Variants in FAM124B observed in about 807,000 individuals in gnomAD.
FAM124B encodes family with sequence similarity 124 member B.
FAM124B carries 18 observed loss-of-function variants against 19.7 expected under a neutral mutation model. The ratio of observed to expected loss-of-function variants is 0.92; its 90% CI spans 0.63 to 1.36. The LOEUF (loss-of-function observed/expected upper bound fraction) is 1.36. Among genes scored for constraint, FAM124B ranks in the 40% most tolerant of loss-of-function variants. The pLI is 0.00. For missense variants in FAM124B, 540 were observed against 553.3 expected (o/e 0.98, Z 0.24); for synonymous variants, 223 against 225.2 (o/e 0.99, Z 0.09).
chr2:224,387,900 C>T (rs566839960), intron 1 of FAM124B, among the ~76,000 whole-genome samples: 3 of 152,140 alleles, frequency 2.0e-5, no homozygotes, highest in African/African-American at 7.2e-5. Context: ...TTTTAAATGG[C>T]TAATAAAGAA....
intron 1 of FAM124B, among the ~76,000 whole-genome samples, chr2:224,386,232 T>C (rs1689798827): frequency 6.6e-6 from 1 of 152,168 alleles, no homozygotes; most frequent in Non-Finnish European, 1.5e-5. Context: ...AAATGGAACA[T>C]GATTTTCCCT....
chr2:224,381,083 T>G (rs7607772), intron 1 of FAM124B, among the ~76,000 whole-genome samples: 21,207 of 152,184 alleles, frequency 0.14, 1,562 homozygotes, highest in East Asian at 0.24. Flanking sequence ...CTTGGAAATT[T>G]GTATCCAGGA....
intron 1 of FAM124B, chr2:224,399,878 T>G (rs1460991344): frequency 6.6e-6 from 1 of 152,196 alleles, no homozygotes; most frequent in Non-Finnish European, 1.5e-5. Flanking sequence ...TCATTTCCTG[T>G]AAGTAAGTAT....
chr2:224,398,907 G>T (rs1039864512), intron 1 of FAM124B, among the ~76,000 whole-genome samples: 1 of 152,174 alleles, frequency 6.6e-6, no homozygotes, highest in Non-Finnish European at 1.5e-5. Flanking sequence ...AACCCGGGAG[G>T]CAGAGGTTGC....
Position 224,401,364 on chromosome 2 carries a change from G to A in FAM124B, c.405C>T (p.Ser135=), listed in dbSNP as rs144448068. ...IWGVRQVHCG[S]EILRVTLYCS... ...AGTACAGCGTCACCCTCAGGATCTC[G>A]GAGCCACAGTGCACCTGCCTCACCC... is the stretch of plus-strand genomic sequence containing the variant. The change falls in exon 1 of 2, where the codon TCC becomes TCT. Residue 135 remains serine (S), a synonymous_variant. Coordinates refer to ENST00000409685, the MANE Select transcript of FAM124B (RefSeq NM_001122779.2). 3 of 1,614,008 alleles carry A rather than the reference G, an allele frequency of 1.9e-6. No homozygotes were observed. The highest frequency in any genetic ancestry group is 1.1e-5 in the South Asian group (1 of 91,068).
intron 1 of FAM124B, among the ~76,000 whole-genome samples, chr2:224,390,158 C>CACACACACACACACACAG (rs1368022541): frequency 6.9e-6 from 1 of 145,286 alleles, no homozygotes; most frequent in African/African-American, 2.6e-5. Context: ...CACACACACA[C>CACACACACACACACACAG]AGAAAAGGAA....
At chr2:224,383,231 G>A (rs963795752) in intron 1 of FAM124B, among the ~76,000 whole-genome samples, 1 of 152,156 alleles carries the variant, frequency 6.6e-6, no homozygotes, top group Non-Finnish European at 1.5e-5. Flanking sequence ...ATCTCCCCCA[G>A]TAATTCTAAT....
Position 224,390,693 on chromosome 2 carries a change from CT to C in FAM124B, c.732+10343del, listed in dbSNP as rs201913240. Among the ~76,000 whole-genome samples the C allele has an allele frequency of 1.8e-3, 226 of 123,454 alleles. 2 individuals carry two copies. Among genetic ancestry groups the C allele is most frequent in the African/African-American group, 6.3e-3 (191 of 30,080 alleles). 81.0% of individuals were successfully genotyped at this position (123,454 alleles called of 152,430 possible). On this transcript the variant is annotated intron_variant, in intron 1 of 1. Coordinates refer to ENST00000409685, the MANE Select transcript of FAM124B (RefSeq NM_001122779.2). ...GATTCCCCCAATACTTGTCAACAAA[CT>C]TTTTTTTTTGTTTGTTTGTTTTTTA... is the stretch of plus-strand genomic sequence containing the variant.
At chr2:224,389,424 A>G (rs1331047559) in intron 1 of FAM124B, among the ~76,000 whole-genome samples, 1 of 152,242 alleles carries the variant, frequency 6.6e-6, no homozygotes, top group Non-Finnish European at 1.5e-5. Context: ...AGGCATTATA[A>G]TGCTGTAATA....
chr2:224,392,170 C>T (rs6710802), intron 1 of FAM124B, among the ~76,000 whole-genome samples: 12,170 of 152,138 alleles, frequency 0.08, 1,070 homozygotes, highest in African/African-American at 0.22. Flanking sequence ...GGCGCTGGCA[C>T]GGTGGCTCAC....
chr2:224,387,735 G>T (rs1689820819), intron 1 of FAM124B, among the ~76,000 whole-genome samples: 1 of 152,028 alleles, frequency 6.6e-6, no homozygotes, highest in Non-Finnish European at 1.5e-5. Flanking sequence ...GGGTGGAGCT[G>T]GAGAATGGGA....
chr2:224,395,890 G>A (rs1271624052), intron 1 of FAM124B, among the ~76,000 whole-genome samples: 1 of 152,126 alleles, frequency 6.6e-6, no homozygotes, highest in Non-Finnish European at 1.5e-5. Flanking sequence ...CAGTTACATG[G>A]TCTCCAGGAG....
chr2:224,388,370 T>C (rs1476906079), intron 1 of FAM124B, among the ~76,000 whole-genome samples: 1 of 152,174 alleles, frequency 6.6e-6, no homozygotes, highest in East Asian at 1.9e-4. Context: ...CAGATAAACA[T>C]ACCGTGGAAT....
chr2:224,385,050 G>A (rs1268308018), intron 1 of FAM124B, among the ~76,000 whole-genome samples: 1 of 151,908 alleles, frequency 6.6e-6, no homozygotes, highest in Admixed American at 6.6e-5. Context: ...TGTCAAACCT[G>A]TATATAAAAT....
chr2:224,382,383 T>C (rs1376506067), intron 1 of FAM124B, among the ~76,000 whole-genome samples: 1 of 151,856 alleles, frequency 6.6e-6, no homozygotes, highest in Non-Finnish European at 1.5e-5. Flanking sequence ...CCAAGCCCTA[T>C]TCTAGATCAA....
At chr2:224,385,691 T>TCACACCAAG (rs1366542993) in intron 1 of FAM124B, among the ~76,000 whole-genome samples, 1 of 152,174 alleles carries the variant, frequency 6.6e-6, no homozygotes, top group African/African-American at 2.4e-5. Context: ...ATCTCCCTCC[T>TCACACCAAG]CACACCAAGT....
intron 1 of FAM124B, among the ~76,000 whole-genome samples, chr2:224,384,740 A>G (rs1371220344): frequency 6.6e-6 from 1 of 152,144 alleles, no homozygotes; most frequent in African/African-American, 2.4e-5. Flanking sequence ...CCAGTTAGCA[A>G]CACTCTCACT....
rs777458212 is a variant in FAM124B, at chr2:224,401,928, T to C, written c.-160A>G. On this transcript the variant is annotated 5_prime_UTR_variant, in exon 1 of 2. Coordinates refer to ENST00000409685, the MANE Select transcript of FAM124B (RefSeq NM_001122779.2). ...AGCTCTTAACCAGACTAACACGTGC[T>C]CCTGGCCACCCGTGGACTTACGGCA... The C allele has an allele frequency of 2.5e-6, 2 of 805,892 alleles. No homozygotes were observed. Among genetic ancestry groups the C allele is most frequent in the Non-Finnish European group, 3.8e-6 (2 of 523,512 alleles). 49.9% of individuals were successfully genotyped at this position (805,892 alleles called of 1,614,324 possible).
At chr2:224,385,204 C>T (rs1689784633) in intron 1 of FAM124B, among the ~76,000 whole-genome samples, 3 of 152,170 alleles carry the variant, frequency 2.0e-5, no homozygotes, top group Non-Finnish European at 4.4e-5. Flanking sequence ...TTCCCTCCTA[C>T]CACTCCAATG....
Sources: allele counts gnomAD v4.1 joint callset (sites outside exome capture counted in the v4.1 genomes callset), GRCh38; gene constraint gnomAD v4.1.1; transcripts MANE v1.5; gene names NCBI Gene and HGNC (gene_info 2026-07-23, HGNC 2026-07-21).